PSD3: variants seen among roughly 807,000 people sequenced by gnomAD.
PSD3 encodes PH and SEC7 domain-containing protein 3.
Under a neutral mutation model 105.5 loss-of-function variants are expected in PSD3, and 49 were observed. That is an observed-to-expected ratio of 0.46 (90% confidence interval 0.37 to 0.59). The LOEUF (loss-of-function observed/expected upper bound fraction) is 0.59, where lower values mean the gene tolerates loss of function less well. PSD3 is among the 20% of genes least tolerant of loss of function. The probability of loss-of-function intolerance (pLI) is 0.00; values close to 1 mark genes in which losing one functional copy is unlikely to be tolerated. For synonymous variants in PSD3, 557 were observed against 457.8 expected (o/e 1.22, Z -2.77); for missense variants, 1,561 against 1,263.8 (o/e 1.24, Z -3.57).
intron 9 of PSD3, among the ~76,000 whole-genome samples, chr8:18,712,347 G>A (rs892579220): frequency 6.6e-6 from 1 of 151,790 alleles, no homozygotes; most frequent in Non-Finnish European, 1.5e-5. Flanking sequence ...CCCAGAGCTG[G>A]TTTTTTGAAA....
chr8:18,620,791 T>C (rs1263158337), intron 11 of PSD3, among the ~76,000 whole-genome samples: 1 of 152,206 alleles, frequency 6.6e-6, no homozygotes, highest in African/African-American at 2.4e-5. Context: ...GCATATACAT[T>C]CTTATCCCCA....
intron 2 of PSD3, among the ~76,000 whole-genome samples, chr8:18,914,125 A>G (rs1230492797): frequency 6.6e-6 from 1 of 151,042 alleles, no homozygotes; most frequent in African/African-American, 2.4e-5. Context: ...TCCCTTCCAG[A>G]TGGGGGATTA....
chr8:18,863,695 C>A (rs913995253), intron 4 of PSD3, among the ~76,000 whole-genome samples: 2 of 152,130 alleles, frequency 1.3e-5, no homozygotes, highest in South Asian at 2.1e-4. Flanking sequence ...TCACCTTACA[C>A]AGAGTGAGCC....
At chr8:18,650,215 G>C (rs1347114653) in intron 10 of PSD3, among the ~76,000 whole-genome samples, 3 of 152,180 alleles carry the variant, frequency 2.0e-5, no homozygotes, top group Non-Finnish European at 4.4e-5. Context: ...TCCTCATGCA[G>C]ATACATTTTA....
chr8:18,740,984 T>A (rs953011968), intron 9 of PSD3, among the ~76,000 whole-genome samples: 1 of 152,078 alleles, frequency 6.6e-6, no homozygotes, highest in African/African-American at 2.4e-5. Context: ...AAGAAATAAG[T>A]CCTGGTGCAA....
intron 1 of PSD3, among the ~76,000 whole-genome samples, chr8:18,954,149 G>A (rs78318983): frequency 0.016 from 2,478 of 151,892 alleles, 71 homozygotes; most frequent in African/African-American, 0.056. Flanking sequence ...ATCTTAAGTC[G>A]AACCATCTTA....
intron 12 of PSD3, among the ~76,000 whole-genome samples, chr8:18,585,439 T>C (rs2130446708): frequency 1.3e-5 from 2 of 152,256 alleles, no homozygotes; most frequent in Non-Finnish European, 1.5e-5. Flanking sequence ...TGCCTCAGCG[T>C]CCTGAGTAGC....
chr8:18,938,159 T>C (rs892131254), intron 1 of PSD3, among the ~76,000 whole-genome samples: 1 of 152,220 alleles, frequency 6.6e-6, no homozygotes, highest in Non-Finnish European at 1.5e-5. Context: ...TAAAAGATCA[T>C]ATGGGTGTTA....
intron 11 of PSD3, among the ~76,000 whole-genome samples, chr8:18,623,005 C>T (rs140929603): frequency 1.8e-4 from 27 of 152,234 alleles, no homozygotes; most frequent in Non-Finnish European, 3.2e-4. Context: ...ATTAATTATG[C>T]TATAATGATG....
At chr8:18,737,205 T>C (rs1046393356) in intron 9 of PSD3, among the ~76,000 whole-genome samples, 44 of 152,334 alleles carry the variant, frequency 2.9e-4, no homozygotes, top group Non-Finnish European at 4.6e-4. Context: ...CAGGTAGTTC[T>C]AACATATAGC....
intron 1 of PSD3, among the ~76,000 whole-genome samples, chr8:19,066,606 G>A (rs1311083996): frequency 6.6e-6 from 1 of 152,214 alleles, no homozygotes; most frequent in African/African-American, 2.4e-5. Context: ...AGAACCTGGT[G>A]TGCAGCTACC....
At chr8:19,013,100 C>CT (rs1827030357) in intron 1 of PSD3, among the ~76,000 whole-genome samples, 1 of 152,030 alleles carries the variant, frequency 6.6e-6, no homozygotes, top group African/African-American at 2.4e-5. Flanking sequence ...ATGACTTAAA[C>CT]ATCTGTAAAA....
At chr8:18,738,828 A>AC (rs1804347350) in intron 9 of PSD3, among the ~76,000 whole-genome samples, 3 of 152,106 alleles carry the variant, frequency 2.0e-5, no homozygotes, top group African/African-American at 4.8e-5. Context: ...GCTCCGAAAA[A>AC]AAAAAACAAA....
intron 4 of PSD3, chr8:18,808,684 A>C: frequency 1.3e-6 from 2 of 1,591,612 alleles, no homozygotes; most frequent in African/African-American, 1.3e-5. Flanking sequence ...TTAGGAGATT[A>C]TTTGAACAAG....
At position 18,829,068 on chromosome 8, in the gene PSD3, G is replaced by A. The variant is rs1021461614; in HGVS notation, c.1635-24170C>T. Reference sequence around the variant, plus strand: ...AGCCTGGGCGACAGAGTGAGACTCCGTTAAAAAAAAAATACTGAAAATTTA... The same window carrying A: ...AGCCTGGGCGACAGAGTGAGACTCCATTAAAAAAAAAATACTGAAAATTTA... On this transcript the variant is annotated intron_variant, in intron 4 of 15. Transcript: ENST00000327040. Among the ~76,000 whole-genome samples, 7 of 151,858 alleles carry A rather than the reference G, an allele frequency of 4.6e-5. No homozygotes were observed. The East Asian group carries it at 7.8e-4, about 17-fold the overall frequency.
At chr8:18,804,003 T>C (rs1810970371) in intron 6 of PSD3, among the ~76,000 whole-genome samples, 1 of 152,186 alleles carries the variant, frequency 6.6e-6, no homozygotes, top group Admixed American at 6.5e-5. Flanking sequence ...GCATTTTTTA[T>C]CCAGATTTGC....
intron 1 of PSD3, among the ~76,000 whole-genome samples, chr8:19,063,321 G>A (rs1443294379): frequency 2.6e-5 from 4 of 152,178 alleles, no homozygotes; most frequent in Non-Finnish European, 5.9e-5. Context: ...AACTGTCATT[G>A]TTAAAATCAT....
At chr8:18,806,642 A>G (rs1811228142) in intron 4 of PSD3, among the ~76,000 whole-genome samples, 1 of 151,990 alleles carries the variant, frequency 6.6e-6, no homozygotes, top group Non-Finnish European at 1.5e-5. Context: ...CCCCTGTCAC[A>G]CATGCTGCTT....
intron 2 of PSD3, among the ~76,000 whole-genome samples, chr8:18,904,099 C>T (rs912957217): frequency 6.6e-6 from 1 of 152,156 alleles, no homozygotes; most frequent in Non-Finnish European, 1.5e-5. Flanking sequence ...GCATTTGCTT[C>T]TGGTCAGGAC....
Sources: allele counts gnomAD v4.1 joint callset (sites outside exome capture counted in the v4.1 genomes callset), GRCh38; gene constraint gnomAD v4.1.1; transcripts MANE v1.5; gene names NCBI Gene and HGNC (gene_info 2026-07-23, HGNC 2026-07-21).